The following ZNF385D variants were observed in gnomAD, a reference collection of about 807,000 sequenced individuals.
ZNF385D encodes the protein zinc finger protein 385D, also known as zinc finger protein 659.
ZNF385D carries 15 observed loss-of-function variants against 35.8 expected under a neutral mutation model. The ratio of observed to expected loss-of-function variants is 0.42; its 90% CI spans 0.28 to 0.64. The LOEUF (loss-of-function observed/expected upper bound fraction) is 0.64, where lower values mean the gene tolerates loss of function less well. Ranked by LOEUF, ZNF385D falls within the 30% of genes least tolerant of loss-of-function variation. ZNF385D has a pLI of 0.23. For synonymous variants in ZNF385D, 212 were observed against 186.8 expected (o/e 1.13, Z -1.10); for missense variants, 474 against 494.6 (o/e 0.96, Z 0.39).
chr3:21,813,673 A>G (rs1263073947), intron 3 of ZNF385D, among the ~76,000 whole-genome samples: 1 of 151,334 alleles, frequency 6.6e-6, no homozygotes, highest in Non-Finnish European at 1.5e-5. Flanking sequence ...AAAGAAATGA[A>G]CAAAGCCTCC....
chr3:21,912,106 T>C (rs1044617289), intron 3 of ZNF385D, among the ~76,000 whole-genome samples: 1 of 151,962 alleles, frequency 6.6e-6, no homozygotes, highest in African/African-American at 2.4e-5. Context: ...TAGGCTCACT[T>C]CAAAATTCTT....
intron 3 of ZNF385D, among the ~76,000 whole-genome samples, chr3:21,846,272 C>G (rs2125798129): frequency 6.6e-6 from 1 of 152,098 alleles, no homozygotes; most frequent in South Asian, 2.1e-4. Context: ...TAAAAATATA[C>G]TATAGCTTTT....
chr3:21,867,725 T>G (rs1356866260), intron 3 of ZNF385D, among the ~76,000 whole-genome samples: 3 of 132,346 alleles, frequency 2.3e-5, no homozygotes, highest in Non-Finnish European at 4.8e-5. Flanking sequence ...AGAGGCAATA[T>G]GTTTTAGTAG....
intron 3 of ZNF385D, among the ~76,000 whole-genome samples, chr3:21,825,682 G>T (rs1694560721): frequency 6.6e-6 from 1 of 152,172 alleles, no homozygotes; most frequent in African/African-American, 2.4e-5. Context: ...GGACGCTGTG[G>T]AAAAGGAGAA....
chr3:21,982,097 T>TTA (rs1553712680), intron 3 of ZNF385D, among the ~76,000 whole-genome samples: 2 of 138,176 alleles, frequency 1.4e-5, no homozygotes, highest in African/African-American at 2.5e-5. Context: ...TTTTTTTTTT[T>TTA]AATTCTGTGA....
intron 1 of ZNF385D, among the ~76,000 whole-genome samples, chr3:21,740,565 T>C (rs1369473581): frequency 2.6e-5 from 4 of 152,086 alleles, no homozygotes; most frequent in Non-Finnish European, 4.4e-5. Flanking sequence ...TCCCAGCCAT[T>C]AGGGATGTTC....
chr3:21,471,124 G>A (rs985378734), intron 4 of ZNF385D, among the ~76,000 whole-genome samples: 2 of 152,110 alleles, frequency 1.3e-5, no homozygotes, highest in Non-Finnish European at 2.9e-5. Context: ...CCCAAGATCA[G>A]ACACATATGT....
At chr3:21,654,077 T>C (rs918885718) in intron 2 of ZNF385D, among the ~76,000 whole-genome samples, 4 of 152,094 alleles carry the variant, frequency 2.6e-5, no homozygotes. Context: ...AACTGGACTG[T>C]CATTTCTTTT....
rs140478577 is a variant in ZNF385D at position 21,996,095 on chromosome 3, G to C, written c.325+172722C>G. On this transcript the variant is annotated intron_variant, in intron 3 of 5. Coordinates refer to the ZNF385D transcript ENST00000494108. ...CCCAGGGTAGGATATAATCTGGTGG[G>C]CTGGGCTCTCAAAATGGAGCTGTGC... Among the ~76,000 whole-genome samples, 1,073 of 152,148 alleles carry C rather than the reference G, an allele frequency of 7.1e-3. 21 individuals carry two copies. Among genetic ancestry groups the C allele is most frequent in the African/African-American group, 0.024 (1,001 of 41,522 alleles).
chr3:22,271,129 T>A (rs188762018), intron 2 of ZNF385D, among the ~76,000 whole-genome samples: 2 of 152,124 alleles, frequency 1.3e-5, no homozygotes, highest in East Asian at 3.9e-4. Context: ...CAGTCATCTG[T>A]TCATTCATTT....
At chr3:22,076,580 G>C (rs553535741) in intron 3 of ZNF385D, among the ~76,000 whole-genome samples, 2 of 151,746 alleles carry the variant, frequency 1.3e-5, no homozygotes, top group South Asian at 4.1e-4. Context: ...GTATCTATTT[G>C]TAATTGTTTA....
At chr3:21,505,528 C>T (rs1051054091) in intron 4 of ZNF385D, among the ~76,000 whole-genome samples, 1 of 152,152 alleles carries the variant, frequency 6.6e-6, no homozygotes, top group African/African-American at 2.4e-5. Flanking sequence ...AGCAGCTAAA[C>T]AAGCACTGGA....
chr3:22,206,348 C>T (rs1697153164), intron 2 of ZNF385D, among the ~76,000 whole-genome samples: 2 of 151,966 alleles, frequency 1.3e-5, no homozygotes, highest in South Asian at 4.1e-4. Flanking sequence ...TTCAACATCC[C>T]ACTGTCTGCA....
rs371017464 is a variant in ZNF385D, at chr3:21,597,877, G to A, written c.166-33193C>T. On this transcript the variant is annotated intron_variant, in intron 2 of 7. Transcript: ENST00000281523. ...TTCATCTGGAAAGGCAGTTAAATAG[G>A]GAAGAATGAAAAAACACACACAGGG... Among the ~76,000 whole-genome samples the A allele has an allele frequency of 7.0e-4, 107 of 152,160 alleles. 2 individuals are homozygous for A. In the South Asian group the frequency reaches 0.016, roughly 23 times the overall value.
At chr3:22,179,012 G>C (rs1372297149) in intron 2 of ZNF385D, among the ~76,000 whole-genome samples, 1 of 152,090 alleles carries the variant, frequency 6.6e-6, no homozygotes, top group Admixed American at 6.5e-5. Context: ...TTGAAGTCAG[G>C]CAGCGTGATG....
At chr3:21,602,544 G>C (rs1401473448) in intron 2 of ZNF385D, among the ~76,000 whole-genome samples, 1 of 21,942 alleles carries the variant, frequency 4.6e-5, no homozygotes, top group African/African-American at 3.8e-4. Context: ...TTTTTTTTTT[G>C]AGACGGAGTC....
intron 2 of ZNF385D, among the ~76,000 whole-genome samples, chr3:22,198,411 C>T (rs1327257937): frequency 6.6e-6 from 1 of 151,986 alleles, no homozygotes; most frequent in Admixed American, 6.6e-5. Context: ...TGGTACTAAG[C>T]ATTGTGGAAG....
At chr3:22,003,001 C>G (rs1426701573) in intron 3 of ZNF385D, among the ~76,000 whole-genome samples, 1 of 152,058 alleles carries the variant, frequency 6.6e-6, no homozygotes, top group Non-Finnish European at 1.5e-5. Context: ...AGCCTTTTCT[C>G]TAAGAACTAG....
In ZNF385D at chr3:22,083,482, A is replaced by G. The variant is rs550595777; in HGVS notation, c.325+85335T>C. 5.3e-5 allele frequency among the ~76,000 whole-genome samples: 8 copies of G among 152,334 alleles called. No individual in the cohort carries two copies. In the South Asian group the frequency reaches 1.7e-3, roughly 32 times the overall value. On this transcript the variant is annotated intron_variant, in intron 3 of 5. Transcript: ENST00000494108. ...TCGATCAACTGGAAGAAAGGGTATC[A>G]GTGATGGAAGATCAAATTAATAAAT...
Sources: allele counts gnomAD v4.1 joint callset (sites outside exome capture counted in the v4.1 genomes callset), GRCh38; gene constraint gnomAD v4.1.1; transcripts MANE v1.5; gene names NCBI Gene and HGNC (gene_info 2026-07-23, HGNC 2026-07-21).